Variants in BCAS3 observed in about 807,000 individuals in gnomAD.
BCAS3 encodes the protein BCAS3 microtubule associated cell migration factor, also known as BCAS4/BCAS3 fusion.
BCAS3 carries 53 observed loss-of-function variants against 116.1 expected under a neutral mutation model. The ratio of observed to expected loss-of-function variants is 0.46; its 90% CI spans 0.37 to 0.57. BCAS3 has a LOEUF of 0.57. Among genes scored for constraint, BCAS3 ranks in the 20% least tolerant of loss-of-function variants. The pLI is 0.00. For synonymous variants in BCAS3, 391 were observed against 408.2 expected (o/e 0.96, Z 0.51); for missense variants, 917 against 1,165.4 (o/e 0.79, Z 3.10).
rs147721201 is a variant in BCAS3, at chr17:61,136,439, G to A, written c.2425+51875G>A. Among the ~76,000 whole-genome samples the A allele has an allele frequency of 6.6e-5, 10 of 152,316 alleles. No individual in the cohort carries two copies. In the East Asian group the frequency reaches 1.9e-3, roughly 29 times the overall value. On this transcript the variant is annotated intron_variant, in intron 22 of 23. Coordinates refer to ENST00000407086, the MANE Select transcript of BCAS3 (RefSeq NM_017679.5). This position sits in a 1 kb window ranked among gnomAD's most constrained non-coding sequence, Gnocchi z 4.4. ...ACTGGACAATTCTTTGTGTGCAGCT[G>A]TTTTATGCATCATATAGGATGTTTA...
At chr17:61,182,067 G>T (rs1411319327) in intron 22 of BCAS3, among the ~76,000 whole-genome samples, 1 of 151,876 alleles carries the variant, frequency 6.6e-6, no homozygotes, top group Admixed American at 6.6e-5. Context: ...TTGAGATGAG[G>T]TCCTACTGTT....
At chr17:60,846,827 C>G (rs1180080365) in intron 7 of BCAS3, among the ~76,000 whole-genome samples, 2 of 151,986 alleles carry the variant, frequency 1.3e-5, no homozygotes, top group African/African-American at 4.8e-5. Flanking sequence ...GTTGAGGTGA[C>G]TTTACATAAT....
Position 61,352,681 on chromosome 17 carries a change from A to G in BCAS3, c.2426-15646A>G, listed in dbSNP as rs2057917441. 6.6e-6 allele frequency among the ~76,000 whole-genome samples: 1 copy of G among 152,166 alleles called. No homozygotes were observed. Among genetic ancestry groups the G allele is most frequent in the Admixed American group, 6.5e-5 (1 of 15,284 alleles). ...ACCAGATTAACACAGTGATTTGGGC[A>G]TTTTTTCACACTTACTAACGAGTGG... On this transcript the variant is annotated intron_variant, in intron 22 of 23. Coordinates refer to ENST00000407086, the MANE Select transcript of BCAS3 (RefSeq NM_017679.5). This position sits in a 1 kb window ranked among gnomAD's most constrained non-coding sequence, Gnocchi z 4.7.
chr17:61,160,102 C>T lies in BCAS3; in HGVS notation c.2425+75538C>T, dbSNP rs146015024. On this transcript the variant is annotated intron_variant, in intron 22 of 23. Coordinates refer to ENST00000407086, the MANE Select transcript of BCAS3 (RefSeq NM_017679.5). ...TACATTTGTCCAAAATCTTTATATG[C>T]TACTAGATTCAAAGATATAAATTAA... 3.5e-4 allele frequency among the ~76,000 whole-genome samples: 53 copies of T among 150,070 alleles called. No homozygotes were observed. The East Asian group carries it at 0.01, about 29-fold the overall frequency.
At chr17:60,708,588 T>C (rs577026496) in intron 4 of BCAS3, among the ~76,000 whole-genome samples, 2 of 152,174 alleles carry the variant, frequency 1.3e-5, no homozygotes, top group South Asian at 4.1e-4. Context: ...TAGAGTGCAG[T>C]GGTGCAATCT....
chr17:60,924,615 C>T, intron 13 of BCAS3, 115 bp downstream of exon 13: 1 of 707,828 alleles, frequency 1.4e-6, no homozygotes, highest in Non-Finnish European at 2.2e-6. Context: ...CAGTATATAT[C>T]AGAAAAGTTA....
rs542768375 is a variant in BCAS3, at chr17:60,954,392, A to G, written c.1221+7040A>G. ...AATTTTAAAATAGTTTGGGAATCTT[A>G]TTTTAGAAAATTGTGGTGAAATGCA... On this transcript the variant is annotated intron_variant, in intron 14 of 23. Coordinates refer to ENST00000407086, the MANE Select transcript of BCAS3 (RefSeq NM_017679.5). Among the ~76,000 whole-genome samples the G allele has an allele frequency of 1.5e-4, 23 of 152,130 alleles. No individual in the cohort carries two copies. In the South Asian group the frequency reaches 4.6e-3, roughly 30 times the overall value.
intron 18 of BCAS3, among the ~76,000 whole-genome samples, chr17:61,038,496 G>GC (rs1056490188): frequency 2.0e-4 from 31 of 151,694 alleles, no homozygotes; most frequent in African/African-American, 7.2e-4. Context: ...CTCGTGATCT[G>GC]CCCGCCTCAG....
chr17:60,776,908 G>A (rs779811774), intron 6 of BCAS3, among the ~76,000 whole-genome samples: 12 of 151,478 alleles, frequency 7.9e-5, no homozygotes, highest in African/African-American at 1.5e-4. Context: ...CTAGCTACTC[G>A]GGAGGCTTAG....
chr17:60,712,703 A>C (rs1487523868), intron 5 of BCAS3, among the ~76,000 whole-genome samples: 1 of 152,206 alleles, frequency 6.6e-6, no homozygotes, highest in East Asian at 1.9e-4. Context: ...TCTCCCTCTG[A>C]AATAAATTGA....
intron 15 of BCAS3, among the ~76,000 whole-genome samples, chr17:61,002,924 A>G (rs1179536990): frequency 6.6e-6 from 1 of 152,088 alleles, no homozygotes; most frequent in Non-Finnish European, 1.5e-5. Context: ...TACCCTTTAA[A>G]TATAATTTTT....
intron 12 of BCAS3, 101 bp downstream of exon 12, chr17:60,910,803 G>T: frequency 1.9e-6 from 2 of 1,032,200 alleles, no homozygotes; most frequent in Non-Finnish European, 2.7e-6. Context: ...TTATCAATTT[G>T]GAATTTTAGG....
chr17:60,729,118 T>A (rs183894306), intron 5 of BCAS3, among the ~76,000 whole-genome samples: 31 of 152,376 alleles, frequency 2.0e-4, no homozygotes, highest in Admixed American at 1.3e-4. Flanking sequence ...TTGCTAAATA[T>A]ACTTTTTAGA....
intron 23 of BCAS3, chr17:61,382,879 A>C (rs887686140): frequency 3.9e-5 from 6 of 152,368 alleles, no homozygotes; most frequent in Non-Finnish European, 7.3e-5. Context: ...GATATGGGGA[A>C]GTCCTGGGCA....
chr17:61,390,274 C>G lies in BCAS3; in HGVS notation c.2594-1703C>G, dbSNP rs2143688468. The G allele has an allele frequency of 6.6e-6, 1 of 152,390 alleles. No homozygotes were observed. The highest frequency in any genetic ancestry group is 2.1e-4 in the South Asian group (1 of 4,824). The allele number at this position is 152,390 out of a possible 1,614,324, so 9.4% of individuals were successfully genotyped here. A position where few individuals can be genotyped will look rare whatever the true frequency, so the allele number is the denominator to read the frequency against. On this transcript the variant is annotated intron_variant, in intron 23 of 23. Coordinates refer to ENST00000407086, the MANE Select transcript of BCAS3 (RefSeq NM_017679.5). The surrounding 1 kb of genome is among the most constrained non-coding windows in gnomAD (Gnocchi z 6.8). ...AGGGTCTACTCTTGGCTTTACCACC[C>G]TCTCCATCTCATGGCACGATGGCCT...
intron 6 of BCAS3, among the ~76,000 whole-genome samples, chr17:60,804,473 A>T (rs949398540): frequency 1.6e-4 from 25 of 152,144 alleles, no homozygotes; most frequent in African/African-American, 6.0e-4. Context: ...ACTCCATCTC[A>T]AAAGAAAAAC....
intron 12 of BCAS3, among the ~76,000 whole-genome samples, chr17:60,913,542 T>C (rs901677857): frequency 6.6e-6 from 1 of 152,148 alleles, no homozygotes; most frequent in Non-Finnish European, 1.5e-5. Flanking sequence ...TTTTAGATTA[T>C]GCTGGATTGT....
In BCAS3 at chr17:61,349,195, G is replaced by C. The variant is rs2143316574; in HGVS notation, c.2426-19132G>C. Among the ~76,000 whole-genome samples the C allele has an allele frequency of 6.6e-6, 1 of 152,344 alleles. No individual in the cohort carries two copies. The highest frequency in any genetic ancestry group is 2.1e-4 in the South Asian group (1 of 4,828). ...AAGGGCCTGAGAATTCATTTGCTCA[G>C]TAAGCATTCCAAGTGCTTCTTCTCA... On this transcript the variant is annotated intron_variant, in intron 22 of 23. Transcript: ENST00000407086. This position sits in a 1 kb window ranked among gnomAD's most constrained non-coding sequence, Gnocchi z 4.7.
chr17:60,837,740 A>C (rs577002101), intron 7 of BCAS3, among the ~76,000 whole-genome samples: 1 of 147,902 alleles, frequency 6.8e-6, no homozygotes, highest in African/African-American at 2.5e-5. Context: ...TGCAACCTCT[A>C]TCTCCTGGGT....
Sources: allele counts gnomAD v4.1 joint callset (sites outside exome capture counted in the v4.1 genomes callset), GRCh38; gene constraint gnomAD v4.1.1; non-coding constraint Gnocchi (gnomAD v3.1); transcripts MANE v1.5; gene names NCBI Gene and HGNC (gene_info 2026-07-23, HGNC 2026-07-21).